MAF: variants seen among roughly 807,000 people sequenced by gnomAD.
The protein encoded by MAF is MAF bZIP transcription factor.
A neutral mutation model predicts 22.0 loss-of-function variants in MAF; 10 were observed. That is an observed-to-expected ratio of 0.45 (90% CI 0.28 to 0.77). The LOEUF is 0.77. Among genes scored for constraint, MAF ranks in the 30% least tolerant of loss-of-function variants. The probability of loss-of-function intolerance (pLI) is 0.12; values close to 1 mark genes in which losing one functional copy is unlikely to be tolerated. For missense variants in MAF, 544 were observed against 548.4 expected (o/e 0.99, Z 0.08); for synonymous variants, 337 against 255.8 (o/e 1.32, Z -3.03).
At chr16:79,267,155 T>C in the MAF span, among the ~76,000 whole-genome samples, 1 of 152,164 alleles carries the variant, frequency 6.6e-6, no homozygotes, top group Non-Finnish European at 1.5e-5. Flanking sequence ...AAAGTTCAAT[T>C]TTGCTGAAGT....
At chr16:79,260,966 T>TGG in the MAF span, among the ~76,000 whole-genome samples, 1 of 151,790 alleles carries the variant, frequency 6.6e-6, no homozygotes, top group Non-Finnish European at 1.5e-5. Flanking sequence ...GGCAATACCC[T>TGG]GGGGTGTAGG....
chr16:79,357,667 C>A, the MAF span, among the ~76,000 whole-genome samples: 1 of 152,106 alleles, frequency 6.6e-6, no homozygotes, highest in South Asian at 2.1e-4. Flanking sequence ...TCCTCACCAT[C>A]GGTTCCCTAG....
At chr16:79,455,633 T>C in the MAF span, among the ~76,000 whole-genome samples, 1 of 152,220 alleles carries the variant, frequency 6.6e-6, no homozygotes, top group South Asian at 2.1e-4. Flanking sequence ...CCTGTCATAA[T>C]CAAGATATGT....
the MAF span, among the ~76,000 whole-genome samples, chr16:79,280,539 A>G: frequency 1.3e-5 from 2 of 152,214 alleles, no homozygotes; most frequent in African/African-American, 4.8e-5. Flanking sequence ...TTCTTCCACC[A>G]TGAGGGATCA....
chr16:79,520,768 G>A, the MAF span, among the ~76,000 whole-genome samples: 1 of 152,144 alleles, frequency 6.6e-6, no homozygotes, highest in African/African-American at 2.4e-5. Context: ...GCACCTGAAA[G>A]CAAGAGCAGG....
the MAF span, among the ~76,000 whole-genome samples, chr16:79,487,245 G>A: frequency 2.6e-5 from 4 of 151,204 alleles, no homozygotes; most frequent in East Asian, 1.9e-4. Flanking sequence ...CTCCAGTTTC[G>A]TGAAGTTCAA....
chr16:79,499,848 A>G, the MAF span, among the ~76,000 whole-genome samples: 1 of 152,242 alleles, frequency 6.6e-6, no homozygotes, highest in African/African-American at 2.4e-5. Flanking sequence ...CCTAATCCCT[A>G]CAATCTGTGA....
chr16:79,535,728 G>C, the MAF span, among the ~76,000 whole-genome samples: 1 of 151,520 alleles, frequency 6.6e-6, no homozygotes, highest in Non-Finnish European at 1.5e-5. Flanking sequence ...CTCCTGAGTA[G>C]CTGGGACTAC....
chr16:79,598,321 T>C (rs1234211621), intron 1 of MAF: 1 of 1,110,722 alleles, frequency 9.0e-7, no homozygotes, highest in African/African-American at 1.6e-5. Flanking sequence ...TGAACACCAG[T>C]TCATGAACTG....
At chr16:79,421,998 G>A in the MAF span, among the ~76,000 whole-genome samples, 18 of 152,094 alleles carry the variant, frequency 1.2e-4, no homozygotes, top group Non-Finnish European at 1.9e-4. Context: ...GGCTGGTCTC[G>A]AACTCCTGAA....
the MAF span, among the ~76,000 whole-genome samples, chr16:79,565,857 G>A: frequency 6.6e-6 from 1 of 152,162 alleles, no homozygotes; most frequent in African/African-American, 2.4e-5. Context: ...TTCCGAGGTA[G>A]GCAGTATTTT....
the MAF span, among the ~76,000 whole-genome samples, chr16:79,396,232 G>C: frequency 1.3e-5 from 2 of 152,176 alleles, no homozygotes; most frequent in African/African-American, 4.8e-5. Context: ...TGGAGGCTTG[G>C]ACGCAGAAGC....
chr16:79,532,617 T>C, the MAF span, among the ~76,000 whole-genome samples: 2 of 152,202 alleles, frequency 1.3e-5, no homozygotes, highest in African/African-American at 2.4e-5. Context: ...TAAAGTATTC[T>C]AATCAATTCA....
the MAF span, among the ~76,000 whole-genome samples, chr16:79,224,134 C>G: frequency 2.0e-5 from 3 of 152,270 alleles, no homozygotes; most frequent in African/African-American, 7.2e-5. Context: ...AAACCGAATC[C>G]AGCAGCACAT....
the MAF span, among the ~76,000 whole-genome samples, chr16:79,210,128 C>G: frequency 3.9e-5 from 6 of 152,208 alleles, no homozygotes; most frequent in Non-Finnish European, 8.8e-5. Flanking sequence ...TTGTCTCACT[C>G]ACGGTCCACA....
chr16:79,389,665 T>G, the MAF span, among the ~76,000 whole-genome samples: 1 of 152,192 alleles, frequency 6.6e-6, no homozygotes, highest in East Asian at 1.9e-4. Flanking sequence ...CATACTTGTC[T>G]GTCATGTTTG....
the MAF span, among the ~76,000 whole-genome samples, chr16:79,279,711 G>A: frequency 2.6e-5 from 4 of 152,256 alleles, no homozygotes; most frequent in African/African-American, 9.6e-5. Flanking sequence ...CTCGCGCAGG[G>A]GTTCTCTTAC....
the MAF span, among the ~76,000 whole-genome samples, chr16:79,488,153 T>A: frequency 6.6e-6 from 1 of 152,216 alleles, no homozygotes; most frequent in Non-Finnish European, 1.5e-5. Flanking sequence ...CTGCTCATTT[T>A]GAGTTAGAAG....
At chr16:79,437,389 G>A in the MAF span, among the ~76,000 whole-genome samples, 414 of 152,290 alleles carry the variant, frequency 2.7e-3, 1 homozygote, top group African/African-American at 9.5e-3. Flanking sequence ...CACAACCACC[G>A]TGTGGCCTGT....
Sources: gnomAD v4.1 joint callset for allele counts (sites outside exome capture counted in the v4.1 genomes callset) on GRCh38, gnomAD v4.1.1 for gene constraint, MANE v1.5 for transcripts, NCBI Gene and HGNC (gene_info 2026-07-23, HGNC 2026-07-21) for gene names.